ENPEP: variants seen among roughly 807,000 people sequenced by gnomAD.
The protein encoded by ENPEP is AP-A.
In ENPEP, 103 loss-of-function variants were observed where a neutral mutation model predicts 114.5. That is an observed-to-expected ratio of 0.90 (90% CI 0.77 to 1.06). The LOEUF is 1.06. Ranked by LOEUF, ENPEP falls within the 50% of genes least tolerant of loss-of-function variation. ENPEP has a pLI of 0.00. For missense variants in ENPEP, 1,196 were observed against 1,161.3 expected (o/e 1.03, Z -0.43); for synonymous variants, 420 against 422.0 (o/e 1.00, Z 0.06).
intron 3 of ENPEP, among the ~76,000 whole-genome samples, chr4:110,504,257 G>T (rs1202154013): frequency 6.6e-6 from 1 of 152,204 alleles, no homozygotes; most frequent in African/African-American, 2.4e-5. Flanking sequence ...GGCCTGCCTG[G>T]TGATGAGCAG....
intron 7 of ENPEP, among the ~76,000 whole-genome samples, chr4:110,514,246 T>C (rs560794830): frequency 6.6e-6 from 1 of 152,228 alleles, no homozygotes; most frequent in South Asian, 2.1e-4. Context: ...GCTTAGAAGC[T>C]ACTGCATGCT....
intron 1 of ENPEP, among the ~76,000 whole-genome samples, chr4:110,481,973 G>T (rs1724326732): frequency 6.6e-6 from 1 of 152,128 alleles, no homozygotes; most frequent in Non-Finnish European, 1.5e-5. Flanking sequence ...AAGCAGAGTG[G>T]GGACAAGAAA....
intron 1 of ENPEP, among the ~76,000 whole-genome samples, chr4:110,486,269 C>T (rs1724496817): frequency 6.6e-6 from 1 of 152,088 alleles, no homozygotes; most frequent in Non-Finnish European, 1.5e-5. Flanking sequence ...CATAATTTGC[C>T]AAAGGCAGTC....
intron 3 of ENPEP, among the ~76,000 whole-genome samples, chr4:110,499,288 C>T (rs1028602528): frequency 2.0e-5 from 3 of 152,088 alleles, no homozygotes; most frequent in Non-Finnish European, 2.9e-5. Context: ...ATTTAATACT[C>T]GAAATAACCC....
At position 110,491,161 on chromosome 4, in the gene ENPEP, AC is replaced by A; in HGVS notation, c.917del (p.Pro306LeufsTer20). ...SVKRISNSGK[P>X]LTIYVQPEQK... is the part of the protein sequence containing the mutation. ...TAAAGAGAATATCAAATAGTGGAAA[AC>A]CTGTGAGTCTCATTATATTTTAAAA... is the stretch of plus-strand genomic sequence containing the variant. On this transcript the variant is annotated frameshift_variant and splice_region_variant, in exon 3 of 20. Coordinates refer to ENST00000265162, the MANE Select transcript of ENPEP (RefSeq NM_001977.4). LOFTEE classifies it high-confidence loss of function. The A allele has an allele frequency of 6.2e-7, 1 of 1,600,040 alleles. No individual in the cohort carries two copies. The highest frequency in any genetic ancestry group is 8.5e-7 in the Non-Finnish European group (1 of 1,176,378).
At position 110,562,452 on chromosome 4, in the gene ENPEP, G is replaced by C. The variant is rs531499233; in HGVS notation, c.*894G>C. ...AAGCTAAATAATTGGAAACTGTTCAGGAAAGAGAGAAGGCAGATTATTTCT... is the reference window on the plus strand; with the variant it reads ...AAGCTAAATAATTGGAAACTGTTCACGAAAGAGAGAAGGCAGATTATTTCT... On this transcript the variant is annotated 3_prime_UTR_variant, in exon 20 of 20. Transcript: ENST00000265162. 2 of 152,146 alleles carry C rather than the reference G, an allele frequency of 1.3e-5. No homozygotes were observed. Among genetic ancestry groups the C allele is most frequent in the East Asian group, 3.9e-4 (2 of 5,170 alleles). 9.4% of individuals were successfully genotyped at this position (152,146 alleles called of 1,614,324 possible).
rs187194676 is a variant in ENPEP, at chr4:110,559,782, A to T, written c.2721+57A>T. 2,456 of 1,435,288 alleles carry T rather than the reference A, an allele frequency of 1.7e-3. 7 individuals carry two copies. Among genetic ancestry groups the T allele is most frequent in the Admixed American group, 0.012 (680 of 55,408 alleles). The allele number at this position is 1,435,288 out of a possible 1,614,324, so 88.9% of individuals were successfully genotyped here. A position where few individuals can be genotyped will look rare whatever the true frequency, so the allele number is the denominator to read the frequency against. On this transcript the variant is annotated intron_variant, in intron 19 of 19. Coordinates refer to ENST00000265162, the MANE Select transcript of ENPEP (RefSeq NM_001977.4). ...AGAAGGAGCAGAATGAAACTTTTTT[A>T]AAAAAAATTTTACTTTAAGTTCTGG...
At chr4:110,513,288 C>T in intron 6 of ENPEP, 127 bp from the exon 7 acceptor site, 1 of 1,017,790 alleles carries the variant, frequency 9.8e-7, no homozygotes, top group Non-Finnish European at 1.4e-6. Flanking sequence ...AATTTGAAGA[C>T]CTAATGTTTA....
chr4:110,543,825 A>G (rs1268181859), intron 13 of ENPEP, among the ~76,000 whole-genome samples: 3 of 151,940 alleles, frequency 2.0e-5, no homozygotes, highest in Non-Finnish European at 4.4e-5. Flanking sequence ...GTAGCCTCCC[A>G]TGGCCTCTTT....
At chr4:110,525,967 T>G (rs4833299) in intron 10 of ENPEP, among the ~76,000 whole-genome samples, 151,864 of 152,176 alleles carry the variant, frequency 1, 75,776 homozygotes, top group Middle Eastern at 1. Flanking sequence ...GGAAGTGACT[T>G]CTCTGGATGT....
chr4:110,495,757 A>T (rs1268639764), intron 3 of ENPEP, among the ~76,000 whole-genome samples: 1 of 152,036 alleles, frequency 6.6e-6, no homozygotes, highest in Non-Finnish European at 1.5e-5. Context: ...ATAAATAATA[A>T]ATGGCACGAG....
At chr4:110,526,797 G>A (rs1726213135) in intron 10 of ENPEP, among the ~76,000 whole-genome samples, 1 of 152,192 alleles carries the variant, frequency 6.6e-6, no homozygotes, top group Non-Finnish European at 1.5e-5. Context: ...CCACGTGATA[G>A]TTGATGGAAA....
chr4:110,534,875 T>C (rs1332877150), intron 11 of ENPEP, among the ~76,000 whole-genome samples: 1 of 152,082 alleles, frequency 6.6e-6, no homozygotes, highest in Non-Finnish European at 1.5e-5. Context: ...ATTTCTTGTC[T>C]CCTGTCCACC....
At position 110,563,877 on chromosome 4, in the gene ENPEP, G is replaced by T. The variant is rs1480433293; in HGVS notation, c.*2319G>T. 1 of 152,144 alleles carries T rather than the reference G, an allele frequency of 6.6e-6. No homozygotes were observed. The highest frequency in any genetic ancestry group is 2.4e-5 in the African/African-American group (1 of 41,428). 9.4% of individuals were successfully genotyped at this position (152,144 alleles called of 1,614,324 possible). A position where few individuals can be genotyped will look rare whatever the true frequency, so the allele number is the denominator to read the frequency against. The stretch of plus-strand genomic sequence containing the variant: ...GGCAAGGGAGGTTTGGGAAACAGGG[G>T]TGAGATGTATACCTGGGTTGAAGGT... On this transcript the variant is annotated 3_prime_UTR_variant, in exon 20 of 20. Coordinates refer to ENST00000265162, the MANE Select transcript of ENPEP (RefSeq NM_001977.4).
In ENPEP at chr4:110,490,890, T is replaced by A. The variant is rs979724355; in HGVS notation, c.787-143T>A. 8.2e-6 allele frequency: 7 copies of A among 852,814 alleles called. No homozygotes were observed. The African/African-American group carries it at 1.2e-4, about 15-fold the overall frequency. The allele number at this position is 852,814 out of a possible 1,614,324, so 52.8% of individuals were successfully genotyped here. A position where few individuals can be genotyped will look rare whatever the true frequency, so the allele number is the denominator to read the frequency against. On this transcript the variant is annotated intron_variant, in intron 2 of 19. Coordinates refer to ENST00000265162, the MANE Select transcript of ENPEP (RefSeq NM_001977.4). ...AAATTTTCCTGTAGTCTTTTCAACA[T>A]CACCACAAACAATTTGACCTCTAAG...
chr4:110,557,511 G>C (rs965641168), intron 18 of ENPEP, among the ~76,000 whole-genome samples: 3 of 152,172 alleles, frequency 2.0e-5, no homozygotes, highest in Non-Finnish European at 4.4e-5. Flanking sequence ...AGCAGCAATG[G>C]GGAGCATGAG....
chr4:110,527,952 T>C (rs1726260860), intron 10 of ENPEP, among the ~76,000 whole-genome samples: 1 of 152,220 alleles, frequency 6.6e-6, no homozygotes, highest in Non-Finnish European at 1.5e-5. Flanking sequence ...TGAATTTCTC[T>C]TCACACAAAC....
At chr4:110,538,871 A>G (rs865803689) in intron 11 of ENPEP, among the ~76,000 whole-genome samples, 36 of 149,878 alleles carry the variant, frequency 2.4e-4, no homozygotes, top group Middle Eastern at 3.5e-3. Flanking sequence ...GGAGAGAGAA[A>G]GAGAGAGAGA....
Position 110,564,546 on chromosome 4 carries a change from C to A in ENPEP, c.*2988C>A, listed in dbSNP as rs139146372. On this transcript the variant is annotated 3_prime_UTR_variant, in exon 20 of 20. Transcript: ENST00000265162. The stretch of plus-strand genomic sequence containing the variant: ...TAAGTGTTAGCTCTTATTATTGTTA[C>A]TATTATATCTCCCCATCCCTACTTA... The A allele has an allele frequency of 1.3e-3, 204 of 152,270 alleles. 1 individual carries two copies. The highest frequency in any genetic ancestry group is 4.2e-3 in the African/African-American group (176 of 41,558). 9.4% of individuals were successfully genotyped at this position (152,270 alleles called of 1,614,324 possible).
Sources: allele counts gnomAD v4.1 joint callset (sites outside exome capture counted in the v4.1 genomes callset), GRCh38; gene constraint gnomAD v4.1.1; transcripts MANE v1.5; gene names NCBI Gene and HGNC (gene_info 2026-07-23, HGNC 2026-07-21).